Variants in FAM234B observed in about 807,000 individuals in gnomAD.
FAM234B encodes the protein protein FAM234B.
In FAM234B, 33 loss-of-function variants were observed where a neutral mutation model predicts 69.3. That is an observed-to-expected ratio of 0.48 (90% CI 0.36 to 0.64). The LOEUF is 0.64. Among genes scored for constraint, FAM234B ranks in the 30% least tolerant of loss-of-function variants. FAM234B has a pLI of 0.00. For missense variants in FAM234B, 697 were observed against 769.7 expected (o/e 0.91, Z 1.12); for synonymous variants, 306 against 306.9 (o/e 1.00, Z 0.03).
intron 1 of FAM234B, among the ~76,000 whole-genome samples, chr12:13,054,760 T>G (rs1047037962): frequency 1.3e-5 from 2 of 152,024 alleles, no homozygotes; most frequent in African/African-American, 4.8e-5. Context: ...TGGGAGGAGG[T>G]GTACCTAGGC....
At chr12:13,073,934 G>T (rs1241878703) in intron 10 of FAM234B, among the ~76,000 whole-genome samples, 7 of 152,182 alleles carry the variant, frequency 4.6e-5, no homozygotes, top group Non-Finnish European at 1.0e-4. Context: ...CTAAGCTGCT[G>T]ATCTCTCTGG....
At chr12:13,051,463 G>T (rs532674812) in intron 1 of FAM234B, among the ~76,000 whole-genome samples, 1 of 152,258 alleles carries the variant, frequency 6.6e-6, no homozygotes, top group Non-Finnish European at 1.5e-5. Context: ...ACAATTATAG[G>T]GTGGCTTAAG....
intron 4 of FAM234B, 96 bp downstream of exon 4, chr12:13,061,859 G>A (rs1864986997): frequency 7.2e-6 from 7 of 978,786 alleles, no homozygotes; most frequent in African/African-American, 1.6e-5. Context: ...ACTCTCACGT[G>A]GTGGAGTATC....
At chr12:13,077,032 T>C (rs1865169691) in intron 11 of FAM234B, among the ~76,000 whole-genome samples, 1 of 152,146 alleles carries the variant, frequency 6.6e-6, no homozygotes, top group Non-Finnish European at 1.5e-5. Flanking sequence ...TGTAGCTCTC[T>C]CGATTTATTG....
In FAM234B at chr12:13,068,325, G is replaced by T. The variant is rs768850565; in HGVS notation, c.1164G>T (p.Gln388His). 1 of 1,614,194 alleles carries T rather than the reference G, an allele frequency of 6.2e-7. No homozygotes were observed. The highest frequency in any genetic ancestry group is 1.1e-5 in the South Asian group (1 of 91,078). Residue 388 changes from glutamine (Q) to histidine (H), a missense_variant, in exon 8 of 13, where the codon CAG becomes CAT. By Grantham distance (24) the Gln-to-His change is conservative (BLOSUM62 0). Transcript: ENST00000197268. ...DVYSDGVELLQMVKAPDSNCS... is the reference protein window; with the variant it reads ...DVYSDGVELLHMVKAPDSNCS... ...CCAGTGATGGTGTTGAACTACTCCAGATGGTGAAGGCACCAGATTCCAACT... is the reference window on the plus strand; with the variant it reads ...CCAGTGATGGTGTTGAACTACTCCATATGGTGAAGGCACCAGATTCCAACT...
At chr12:13,075,042 G>C (rs1463771110) in intron 10 of FAM234B, among the ~76,000 whole-genome samples, 2 of 152,154 alleles carry the variant, frequency 1.3e-5, no homozygotes, top group Non-Finnish European at 2.9e-5. Context: ...TACCTGCCAA[G>C]TCTCAAGTCC....
chr12:13,052,456 T>C (rs1208476223), intron 1 of FAM234B, among the ~76,000 whole-genome samples: 3 of 152,106 alleles, frequency 2.0e-5, no homozygotes, highest in South Asian at 2.1e-4. Flanking sequence ...TTTTAAATTG[T>C]CAAAAAATAC....
Position 13,081,673 on chromosome 12 carries a change from T to C in FAM234B, c.*1043T>C, listed in dbSNP as rs1329157307. 6.6e-6 allele frequency: 1 copy of C among 152,218 alleles called. No homozygotes were observed. Among genetic ancestry groups the C allele is most frequent in the East Asian group, 1.9e-4 (1 of 5,198 alleles). The allele number at this position is 152,218 out of a possible 1,614,324, so 9.4% of individuals were successfully genotyped here. The stretch of plus-strand genomic sequence containing the variant: ...ACCATTTTGTCCTGCATCTCTTCTT[T>C]CCTGTAGAGCCTTTGAAGCATTGTA... On this transcript the variant is annotated 3_prime_UTR_variant, in exon 13 of 13. Coordinates refer to ENST00000197268, the MANE Select transcript of FAM234B (RefSeq NM_020853.2).
chr12:13,059,056 A>T (rs1413080769), intron 3 of FAM234B, among the ~76,000 whole-genome samples: 1 of 152,110 alleles, frequency 6.6e-6, no homozygotes, highest in Admixed American at 6.5e-5. Flanking sequence ...CTGCATGGGG[A>T]AGCTGAGCTG....
At chr12:13,079,234 T>C (rs567357233) in intron 11 of FAM234B, among the ~76,000 whole-genome samples, 163 of 152,240 alleles carry the variant, frequency 1.1e-3, no homozygotes, top group Middle Eastern at 6.8e-3. Flanking sequence ...GAAATAACGC[T>C]GCATACCTAC....
chr12:13,064,756 G>A (rs1471188432), intron 5 of FAM234B, among the ~76,000 whole-genome samples: 1 of 152,124 alleles, frequency 6.6e-6, no homozygotes, highest in Admixed American at 6.6e-5. Context: ...GACCTCTTTT[G>A]ACCTCTCTGC....
intron 1 of FAM234B, among the ~76,000 whole-genome samples, chr12:13,048,116 T>A (rs1485274547): frequency 1.3e-5 from 2 of 152,212 alleles, no homozygotes; most frequent in African/African-American, 2.4e-5. Flanking sequence ...AGGAATATGA[T>A]AACTCAGAGC....
intron 1 of FAM234B, among the ~76,000 whole-genome samples, chr12:13,050,407 G>A (rs1246425018): frequency 2.0e-5 from 3 of 152,166 alleles, no homozygotes; most frequent in Admixed American, 1.3e-4. Context: ...CTAACCTGCC[G>A]TCCTGACAGT....
At position 13,044,551 on chromosome 12, in the gene FAM234B, T is replaced by A; in HGVS notation, c.37+111T>A. On this transcript the variant is annotated intron_variant, in intron 1 of 12. Coordinates refer to ENST00000197268, the MANE Select transcript of FAM234B (RefSeq NM_020853.2). This position sits in a 1 kb window ranked among gnomAD's most constrained non-coding sequence, Gnocchi z 5.6. Reference sequence around the variant, plus strand: ...GCCCTGGCCTCAACCCAGACTCAGCTGCAGGCGCCCGGTGCCGAGGAGGGT... The same window carrying A: ...GCCCTGGCCTCAACCCAGACTCAGCAGCAGGCGCCCGGTGCCGAGGAGGGT... The A allele has an allele frequency of 8.2e-7, 1 of 1,221,392 alleles. No individual in the cohort carries two copies. The highest frequency in any genetic ancestry group is 1.2e-6 in the Non-Finnish European group (1 of 860,926). 75.7% of individuals were successfully genotyped at this position (1,221,392 alleles called of 1,614,324 possible). A position where few individuals can be genotyped will look rare whatever the true frequency, so the allele number is the denominator to read the frequency against.
At chr12:13,066,898 G>A (rs16908634) in intron 6 of FAM234B, 111 bp downstream of exon 6, 154,159 of 1,232,970 alleles carry the variant, frequency 0.13, 10,995 homozygotes, top group Admixed American at 0.28. Context: ...CCTTCCCATA[G>A]CCTTCTAATG....
At chr12:13,076,701 T>G (rs1186102253) in intron 11 of FAM234B, among the ~76,000 whole-genome samples, 2 of 152,186 alleles carry the variant, frequency 1.3e-5, no homozygotes, top group African/African-American at 2.4e-5. Context: ...CTATTAGCAT[T>G]TTGGAAGTGT....
chr12:13,075,806 A>G (rs1437476589), intron 10 of FAM234B, among the ~76,000 whole-genome samples: 1 of 151,948 alleles, frequency 6.6e-6, no homozygotes, highest in Admixed American at 6.6e-5. Flanking sequence ...AGCTGTAGAT[A>G]GTGGTTTGAA....
At chr12:13,068,024 C>T (rs1045652835) in intron 7 of FAM234B, among the ~76,000 whole-genome samples, 2 of 152,194 alleles carry the variant, frequency 1.3e-5, no homozygotes, top group Non-Finnish European at 2.9e-5. Context: ...GGCTCTGTTG[C>T]CTTTCCCAGA....
At chr12:13,066,943 C>A in intron 6 of FAM234B, 156 bp downstream of exon 6, 1 of 946,066 alleles carries the variant, frequency 1.1e-6, no homozygotes, top group Admixed American at 2.7e-5. Context: ...CGATCACAGG[C>A]TATTAACTCT....
Sources: allele counts gnomAD v4.1 joint callset (sites outside exome capture counted in the v4.1 genomes callset), GRCh38; gene constraint gnomAD v4.1.1; non-coding constraint Gnocchi (gnomAD v3.1); transcripts MANE v1.5; gene names NCBI Gene and HGNC (gene_info 2026-07-23, HGNC 2026-07-21).